The following PRR16 variants were observed in gnomAD, a reference collection of about 807,000 sequenced individuals.
PRR16 encodes the protein protein Largen.
Under a neutral mutation model 18.2 loss-of-function variants are expected in PRR16, and 6 were observed. The ratio of observed to expected loss-of-function variants is 0.33; its 90% CI spans 0.18 to 0.65. The LOEUF (loss-of-function observed/expected upper bound fraction) is 0.65. Ranked by LOEUF, PRR16 falls within the 30% of genes least tolerant of loss-of-function variation. The pLI is 0.74. For synonymous variants in PRR16, 151 were observed against 147.8 expected, an observed-to-expected ratio of 1.02 and a Z score of -0.16; for missense variants, 412 against 376.6, an observed-to-expected ratio of 1.09 and a Z score of -0.78.
intron 1 of PRR16, among the ~76,000 whole-genome samples, chr5:120,577,613 C>G (rs901349429): frequency 6.6e-6 from 1 of 152,108 alleles, no homozygotes. Flanking sequence ...GGAAAGAACA[C>G]AAATGTTTAC....
chr5:120,693,322 G>A, the PRR16 span, among the ~76,000 whole-genome samples: 1 of 152,166 alleles, frequency 6.6e-6, no homozygotes, highest in African/African-American at 2.4e-5. Flanking sequence ...GAGTCATTAA[G>A]TATGTATCCT....
chr5:120,540,514 C>T (rs300970), intron 1 of PRR16, among the ~76,000 whole-genome samples: 69,033 of 151,938 alleles, frequency 0.45, 16,174 homozygotes, highest in Middle Eastern at 0.54. Flanking sequence ...ATTTTGGTCA[C>T]GTAGCCTTGT....
intron 1 of PRR16, among the ~76,000 whole-genome samples, chr5:120,562,658 A>C (rs1287790517): frequency 6.6e-6 from 1 of 151,452 alleles, no homozygotes; most frequent in Non-Finnish European, 1.5e-5. Flanking sequence ...ATGTTTTTTG[A>C]TCTGAGGTTA....
intron 1 of PRR16, among the ~76,000 whole-genome samples, chr5:120,487,140 C>G (rs1005886523): frequency 2.0e-5 from 3 of 150,954 alleles, no homozygotes; most frequent in South Asian, 2.1e-4. Flanking sequence ...GCTCTTTTCT[C>G]GTTCCATATG....
intron 1 of PRR16, among the ~76,000 whole-genome samples, chr5:120,646,038 A>T (rs1334965985): frequency 9.2e-6 from 1 of 108,920 alleles, no homozygotes; most frequent in Non-Finnish European, 1.8e-5. Context: ...TACAAAAAAA[A>T]ATACATATTT....
chr5:120,589,118 A>G (rs1158790276), intron 1 of PRR16, among the ~76,000 whole-genome samples: 1 of 152,164 alleles, frequency 6.6e-6, no homozygotes, highest in Non-Finnish European at 1.5e-5. Context: ...TATAAGGATT[A>G]AATGAGTAAG....
chr5:120,501,627 G>A (rs138315518), intron 1 of PRR16, among the ~76,000 whole-genome samples: 1,625 of 152,172 alleles, frequency 0.011, 14 homozygotes, highest in Middle Eastern at 0.017. Context: ...AGAAATGAGT[G>A]GAACTATCCA....
chr5:120,686,451 CTG>C lies in PRR16; in HGVS notation c.660_661del (p.Cys220Ter). On this transcript the variant is annotated frameshift_variant, in exon 2 of 2. Transcript: ENST00000407149. LOFTEE classifies it high-confidence loss of function. Reference protein sequence around the residue: ...KVQYHGYCPDCDTRYNIKNRE... With the variant: ...KVQYHGYCPDXDTRYNIKNRE... ...TACAGTACCATGGCTATTGTCCTGA[CTG>C]TGATACCCGGTATAACATAAAAAAC... The C allele has an allele frequency of 1.9e-6, 3 of 1,614,132 alleles. No individual in the cohort carries two copies. Among genetic ancestry groups the C allele is most frequent in the Non-Finnish European group, 2.5e-6 (3 of 1,180,012 alleles).
the PRR16 span, among the ~76,000 whole-genome samples, chr5:120,759,469 A>G: frequency 6.6e-6 from 1 of 152,126 alleles, no homozygotes; most frequent in Non-Finnish European, 1.5e-5. Context: ...TTATATGAAA[A>G]AGCAGAAAAT....
chr5:120,754,499 T>TATATAATATATAGTATA, the PRR16 span, among the ~76,000 whole-genome samples: 35 of 64,872 alleles, frequency 5.4e-4, 3 homozygotes, highest in South Asian at 1.5e-3. Context: ...AGTATGTATT[T>TATATAATATATAGTATA]TATTATGTAT....
intron 1 of PRR16, among the ~76,000 whole-genome samples, chr5:120,648,066 G>T (rs1381350373): frequency 6.6e-6 from 1 of 152,004 alleles, no homozygotes; most frequent in Non-Finnish European, 1.5e-5. Flanking sequence ...TTACTGATAA[G>T]TATATTTAGC....
intron 1 of PRR16, among the ~76,000 whole-genome samples, chr5:120,474,315 A>G (rs1011221228): frequency 6.6e-6 from 1 of 152,132 alleles, no homozygotes; most frequent in African/African-American, 2.4e-5. Context: ...TGTGCATTGT[A>G]GGATGGTTGG....
chr5:120,733,838 G>GA, the PRR16 span, among the ~76,000 whole-genome samples: 2 of 151,792 alleles, frequency 1.3e-5, no homozygotes, highest in South Asian at 2.1e-4. Flanking sequence ...CCCTTGGTTT[G>GA]AAAAAACAAA....
the PRR16 span, among the ~76,000 whole-genome samples, chr5:120,737,118 C>A: frequency 6.6e-6 from 1 of 151,968 alleles, no homozygotes; most frequent in East Asian, 1.9e-4. Context: ...TTTTCTTTGC[C>A]TAACTGCTCT....
At position 120,686,608 on chromosome 5, in the gene PRR16, A is replaced by G. The variant is rs749002537; in HGVS notation, c.814A>G (p.Ser272Gly). 3 of 1,613,292 alleles carry G rather than the reference A, an allele frequency of 1.9e-6. No individual in the cohort carries two copies. The highest frequency in any genetic ancestry group is 2.2e-5 in the East Asian group (1 of 44,870). ...AAATGGGGGAATGGGAATAAGCCAC[A>G]GTAACAGCTTCCCCCCTATCAGACC... is the stretch of plus-strand genomic sequence containing the variant. ...LENGGMGISH[S>G]NSFPPIRPAT... The change falls in exon 2 of 2, where the codon AGT becomes GGT. Residue 272 changes from serine (S) to glycine (G), a missense_variant. Ser to Gly is a moderately conservative substitution (Grantham distance 56). Coordinates refer to ENST00000407149, the MANE Select transcript of PRR16 (RefSeq NM_001300783.2).
Position 120,686,505 on chromosome 5 carries a change from T to C in PRR16, c.711T>C (p.Pro237=), listed in dbSNP as rs1455710615. The change falls in exon 2 of 2, where the codon CCT becomes CCC. Residue 237 remains proline, a synonymous_variant. Coordinates refer to ENST00000407149, the MANE Select transcript of PRR16 (RefSeq NM_001300783.2). ...GGGAGGTCCACTTACACAGTGAACC[T>C]GTCCACCCACCGGGAAAGATTCCTC... ...KNREVHLHSE[P]VHPPGKIPHQ... The C allele has an allele frequency of 1.2e-6, 2 of 1,613,890 alleles. No homozygotes were observed. Among genetic ancestry groups the C allele is most frequent in the African/African-American group, 1.3e-5 (1 of 74,876 alleles).
chr5:120,768,278 T>A, the PRR16 span, among the ~76,000 whole-genome samples: 26 of 151,860 alleles, frequency 1.7e-4, no homozygotes, highest in African/African-American at 6.3e-4. Flanking sequence ...CACAATATAA[T>A]TCTAGAATAT....
the PRR16 span, among the ~76,000 whole-genome samples, chr5:120,755,615 C>T: frequency 6.6e-6 from 1 of 152,006 alleles, no homozygotes; most frequent in Non-Finnish European, 1.5e-5. Flanking sequence ...ACCATATTTT[C>T]TTTATCCAGT....
At chr5:120,659,067 T>G (rs1191018407) in intron 1 of PRR16, among the ~76,000 whole-genome samples, 1 of 151,890 alleles carries the variant, frequency 6.6e-6, no homozygotes, top group Non-Finnish European at 1.5e-5. Flanking sequence ...TATATTAGTT[T>G]GATTCCAAGT....
Sources: allele counts gnomAD v4.1 joint callset (sites outside exome capture counted in the v4.1 genomes callset), GRCh38; gene constraint gnomAD v4.1.1; transcripts MANE v1.5; gene names NCBI Gene and HGNC (gene_info 2026-07-23, HGNC 2026-07-21).